IGSF11: variants seen among roughly 807,000 people sequenced by gnomAD.
IGSF11 encodes CXADR like 1.
In IGSF11, 22 loss-of-function variants were observed where a neutral mutation model predicts 41.0. The ratio of observed to expected loss-of-function variants is 0.54; its 90% CI spans 0.38 to 0.77. IGSF11 has a LOEUF of 0.77. Ranked by LOEUF, IGSF11 falls within the 30% of genes least tolerant of loss-of-function variation. The probability of loss-of-function intolerance (pLI) is 0.00; values close to 1 mark genes in which losing one functional copy is unlikely to be tolerated. For synonymous variants in IGSF11, 219 were observed against 201.3 expected, an observed-to-expected ratio of 1.09 and a Z score of -0.74; for missense variants, 444 against 530.8, an observed-to-expected ratio of 0.84 and a Z score of 1.61.
chr3:118,965,284 G>A (rs1371855100), intron 1 of IGSF11, among the ~76,000 whole-genome samples: 1 of 152,018 alleles, frequency 6.6e-6, no homozygotes, highest in Non-Finnish European at 1.5e-5. Context: ...GCTACATACG[G>A]CACCCTAAAG....
At chr3:118,940,835 T>C (rs1194662784) in intron 1 of IGSF11, among the ~76,000 whole-genome samples, 1 of 149,270 alleles carries the variant, frequency 6.7e-6, no homozygotes, top group Non-Finnish European at 1.5e-5. Flanking sequence ...AACAAAGTTG[T>C]CAAAGCCATT....
At chr3:119,005,067 A>C (rs1937350686) in intron 1 of IGSF11, among the ~76,000 whole-genome samples, 1 of 148,494 alleles carries the variant, frequency 6.7e-6, no homozygotes, top group Admixed American at 6.7e-5. Flanking sequence ...GTGGGGTGTT[A>C]AAGTCTCCCA....
chr3:119,098,501 TG>T (rs2076891439), intron 1 of IGSF11, among the ~76,000 whole-genome samples: 1 of 152,212 alleles, frequency 6.6e-6, no homozygotes, highest in African/African-American at 2.4e-5. Context: ...TATTCAGTTT[TG>T]TACCCTCAAG....
intron 1 of IGSF11, among the ~76,000 whole-genome samples, chr3:119,140,943 C>G (rs2077638605): frequency 6.7e-6 from 1 of 148,518 alleles, no homozygotes; most frequent in South Asian, 2.2e-4. Flanking sequence ...ACTCAGGAGG[C>G]TGAGGCAGGA....
chr3:118,924,816 T>C (rs1459360204), intron 4 of IGSF11, among the ~76,000 whole-genome samples: 1 of 152,022 alleles, frequency 6.6e-6, no homozygotes, highest in African/African-American at 2.4e-5. Context: ...ACAGAGGACC[T>C]TGAGGATGAT....
chr3:118,979,575 T>G, intron 1 of IGSF11, among the ~76,000 whole-genome samples: 1 of 152,078 alleles, frequency 6.6e-6, no homozygotes, highest in East Asian at 1.9e-4. Flanking sequence ...ACTGTAAAAC[T>G]ACAAGAAGAA....
Position 119,034,695 on chromosome 3 carries a change from G to C in IGSF11, c.-113C>G. 2 of 1,385,728 alleles carry C rather than the reference G, an allele frequency of 1.4e-6. No homozygotes were observed. Among genetic ancestry groups the C allele is most frequent in the Admixed American group, 3.0e-5 (1 of 32,900 alleles). The allele number at this position is 1,385,728 out of a possible 1,614,324, so 85.8% of individuals were successfully genotyped here. On this transcript the variant is annotated 5_prime_UTR_variant, in exon 1 of 7. Transcript: ENST00000393775. Reference sequence around the variant, plus strand: ...GCAGCCTGGTCCTCCCACACCCAGCGCCGGGCCGCTGTTCCCCGCGCAGAG... The same window carrying C: ...GCAGCCTGGTCCTCCCACACCCAGCCCCGGGCCGCTGTTCCCCGCGCAGAG...
At position 118,904,802 on chromosome 3, in the gene IGSF11, C is replaced by A. The variant is rs753469035; in HGVS notation, c.704-4G>T. The A allele has an allele frequency of 1.3e-6, 2 of 1,584,064 alleles. No individual in the cohort carries two copies. The highest frequency in any genetic ancestry group is 1.2e-5 in the South Asian group (1 of 84,386). Reference sequence around the variant, plus strand: ...AGTCCAATGTTCCTGGGCTGGGCTGCAAAATATATTTAAGATATATTTAAA... The same window carrying A: ...AGTCCAATGTTCCTGGGCTGGGCTGAAAAATATATTTAAGATATATTTAAA... On this transcript the variant is annotated splice_polypyrimidine_tract_variant and splice_region_variant and intron_variant, in intron 5 of 6. Transcript: ENST00000393775.
intron 1 of IGSF11, among the ~76,000 whole-genome samples, chr3:119,111,379 G>T (rs1348144140): frequency 1.3e-5 from 2 of 151,978 alleles, no homozygotes; most frequent in South Asian, 2.1e-4. Flanking sequence ...CCAGTTGATC[G>T]CATCAGCTCC....
intron 1 of IGSF11, among the ~76,000 whole-genome samples, chr3:119,057,356 T>A (rs1941884523): frequency 6.6e-6 from 1 of 151,980 alleles, no homozygotes; most frequent in Admixed American, 6.6e-5. Context: ...AAATCATGAG[T>A]GAACTCCCAT....
At chr3:118,949,627 T>C (rs1438590392) in intron 1 of IGSF11, among the ~76,000 whole-genome samples, 1 of 152,232 alleles carries the variant, frequency 6.6e-6, no homozygotes, top group African/African-American at 2.4e-5. Flanking sequence ...CTTTTGCATG[T>C]ATTATTCTCA....
At chr3:118,992,053 A>C (rs549296209) in intron 1 of IGSF11, among the ~76,000 whole-genome samples, 88 of 152,386 alleles carry the variant, frequency 5.8e-4, no homozygotes, top group African/African-American at 2.1e-3. Flanking sequence ...ATTTGCTCGA[A>C]TCAACCATAG....
chr3:119,094,965 C>G (rs189910530), intron 1 of IGSF11, among the ~76,000 whole-genome samples: 1 of 151,864 alleles, frequency 6.6e-6, no homozygotes, highest in Non-Finnish European at 1.5e-5. Flanking sequence ...AGCCACCGAG[C>G]CTGGACAAGT....
chr3:119,111,211 A>G lies in IGSF11; in HGVS notation c.-13-6006T>C, dbSNP rs531243933. 9.9e-5 allele frequency among the ~76,000 whole-genome samples: 15 copies of G among 152,260 alleles called. No homozygotes were observed. In the South Asian group the frequency reaches 2.9e-3, roughly 29 times the overall value. On this transcript the variant is annotated intron_variant, in intron 1 of 7. Coordinates refer to the IGSF11 transcript ENST00000425327. ...TTTCCAACTTGGTTCCATTCTCCCC[A>G]TCACTTTCAGGTACACCAATCAGAC...
intron 1 of IGSF11, among the ~76,000 whole-genome samples, chr3:119,087,635 G>C (rs57978429): frequency 0.073 from 11,158 of 151,996 alleles, 816 homozygotes; most frequent in African/African-American, 0.18. Flanking sequence ...AAGGGTGGGG[G>C]ATGGCAGGGG....
intron 1 of IGSF11, among the ~76,000 whole-genome samples, chr3:119,095,462 C>T (rs1048110934): frequency 1.3e-5 from 2 of 152,154 alleles, no homozygotes; most frequent in Non-Finnish European, 2.9e-5. Flanking sequence ...GCTAAAATAT[C>T]AGTTTACTTT....
chr3:119,011,790 A>G (rs1451357471), intron 1 of IGSF11, among the ~76,000 whole-genome samples: 1 of 152,222 alleles, frequency 6.6e-6, no homozygotes, highest in Non-Finnish European at 1.5e-5. Flanking sequence ...GAAAATATTC[A>G]ACATACTTTG....
intron 1 of IGSF11, among the ~76,000 whole-genome samples, chr3:118,977,993 C>T (rs1342801773): frequency 6.6e-6 from 1 of 152,142 alleles, no homozygotes; most frequent in Non-Finnish European, 1.5e-5. Context: ...ATTCCACTGC[C>T]CACAACCACT....
chr3:119,127,443 A>G (rs2077418904), intron 1 of IGSF11, among the ~76,000 whole-genome samples: 2 of 152,138 alleles, frequency 1.3e-5, no homozygotes, highest in African/African-American at 4.8e-5. Context: ...CAAGATGGAA[A>G]ACACACTTCA....
Sources: allele counts gnomAD v4.1 joint callset (sites outside exome capture counted in the v4.1 genomes callset), GRCh38; gene constraint gnomAD v4.1.1; transcripts MANE v1.5; gene names NCBI Gene and HGNC (gene_info 2026-07-23, HGNC 2026-07-21).